Variants in GRIN2B observed in about 807,000 individuals in gnomAD.
GRIN2B encodes glutamate receptor ionotropic, NMDA 2B.
In GRIN2B, 5 loss-of-function variants were observed where a neutral mutation model predicts 114.5. The ratio of observed to expected loss-of-function variants is 0.04; its 90% CI spans 0.02 to 0.09. The LOEUF (loss-of-function observed/expected upper bound fraction) is 0.09. Ranked by LOEUF, GRIN2B falls within the 10% of genes least tolerant of loss-of-function variation. GRIN2B has a pLI of 1.00. For synonymous variants in GRIN2B, 787 were observed against 745.1 expected (o/e 1.06, Z -0.92); for missense variants, 1,108 against 1,943.5 (o/e 0.57, Z 8.08).
chr12:13,613,422 G>C (rs1949391137), intron 8 of GRIN2B, among the ~76,000 whole-genome samples: 1 of 152,092 alleles, frequency 6.6e-6, no homozygotes, highest in South Asian at 2.1e-4. Context: ...ATTTTATGGA[G>C]GAGTAAACTA....
At chr12:13,818,242 C>T (rs967657176) in intron 3 of GRIN2B, among the ~76,000 whole-genome samples, 1 of 152,284 alleles carries the variant, frequency 6.6e-6, no homozygotes, top group South Asian at 2.1e-4. Flanking sequence ...TTTATTTTAA[C>T]CAAAGGGCAG....
intron 2 of GRIN2B, among the ~76,000 whole-genome samples, chr12:13,907,296 G>A (rs1866554562): frequency 6.6e-6 from 1 of 152,060 alleles, no homozygotes. Flanking sequence ...TTCGAGACCA[G>A]TCTGGCCAAC....
At chr12:13,894,085 G>T (rs941524083) in intron 2 of GRIN2B, among the ~76,000 whole-genome samples, 1 of 151,950 alleles carries the variant, frequency 6.6e-6, no homozygotes, top group Non-Finnish European at 1.5e-5. Context: ...GGTGGCCAAG[G>T]ACATGGTGAA....
chr12:13,940,280 A>G (rs558201216), intron 2 of GRIN2B, among the ~76,000 whole-genome samples: 1 of 152,256 alleles, frequency 6.6e-6, no homozygotes, highest in East Asian at 1.9e-4. Context: ...ATCCATTTTG[A>G]TGGGCTTTAC....
chr12:13,818,312 CAAG>C (rs909063653), intron 3 of GRIN2B, among the ~76,000 whole-genome samples: 114 of 152,272 alleles, frequency 7.5e-4, no homozygotes, highest in African/African-American at 2.6e-3. Flanking sequence ...AAGGCCATTC[CAAG>C]AAGAAGTCAG....
chr12:13,603,596 G>A lies in GRIN2B; in HGVS notation c.2010+5007C>T, dbSNP rs189552496. Among the ~76,000 whole-genome samples, 993 of 151,860 alleles carry A rather than the reference G, an allele frequency of 6.5e-3. 10 individuals carry two copies. Among genetic ancestry groups the A allele is most frequent in the African/African-American group, 0.023 (949 of 41,374 alleles). ...AAAAAATCTTACCTGGGAAGTTATCGCTGAAGTTATATTATTATTAATAAT... is the reference window on the plus strand; with the variant it reads ...AAAAAATCTTACCTGGGAAGTTATCACTGAAGTTATATTATTATTAATAAT... On this transcript the variant is annotated intron_variant, in intron 10 of 13. Transcript: ENST00000609686.
In GRIN2B at chr12:13,541,390, A is replaced by C. The variant is rs1948276634; in HGVS notation, c.*21393T>G. 1 of 152,172 alleles carries C rather than the reference A, an allele frequency of 6.6e-6. No individual in the cohort carries two copies. The highest frequency in any genetic ancestry group is 6.5e-5 in the Admixed American group (1 of 15,276). 9.4% of individuals were successfully genotyped at this position (152,172 alleles called of 1,614,324 possible). ...TAACCAGGGGTGGGAGCCAGTCTGA[A>C]GGAGGGGAGATCTGAGGCAGGGTAA... On this transcript the variant is annotated 3_prime_UTR_variant, in exon 14 of 14. Transcript: ENST00000609686.
chr12:13,607,312 TAA>T, intron 10 of GRIN2B, among the ~76,000 whole-genome samples: 1 of 65,500 alleles, frequency 1.5e-5, no homozygotes, highest in African/African-American at 6.3e-5. Context: ...ATATTATATA[TAA>T]TATAAAATAT....
intron 10 of GRIN2B, among the ~76,000 whole-genome samples, chr12:13,577,728 T>G (rs1948795682): frequency 6.6e-6 from 1 of 152,224 alleles, no homozygotes; most frequent in Non-Finnish European, 1.5e-5. Flanking sequence ...ATAATTAAAA[T>G]ACATCCATTC....
Position 13,615,280 on chromosome 12 carries a change from C to A in GRIN2B, c.1501-13G>T, listed in dbSNP as rs201829637. 1 of 1,613,358 alleles carries A rather than the reference C, an allele frequency of 6.2e-7. No individual in the cohort carries two copies. On this transcript the variant is annotated splice_polypyrimidine_tract_variant and intron_variant, in intron 7 of 13. Transcript: ENST00000609686. The surrounding 1 kb of genome is among the most constrained non-coding windows in gnomAD (Gnocchi z 5.8). Reference sequence around the variant, plus strand: ...TCTTCATGACCACCTAAAAGAAAGGCGCGATGCTCCAATTAAAACATTCAG... The same window carrying A: ...TCTTCATGACCACCTAAAAGAAAGGAGCGATGCTCCAATTAAAACATTCAG...
chr12:13,907,940 C>A (rs928863215), intron 2 of GRIN2B, among the ~76,000 whole-genome samples: 2 of 152,016 alleles, frequency 1.3e-5, no homozygotes, highest in Non-Finnish European at 2.9e-5. Context: ...ACCCTAAGTG[C>A]CTTAATTGGA....
chr12:13,705,618 T>C (rs1363007846), intron 4 of GRIN2B, among the ~76,000 whole-genome samples: 2 of 152,158 alleles, frequency 1.3e-5, no homozygotes, highest in Non-Finnish European at 2.9e-5. Context: ...ACACCAGTCA[T>C]TTTTGTTTTC....
At chr12:13,836,314 G>A (rs57574861) in intron 3 of GRIN2B, among the ~76,000 whole-genome samples, 5,340 of 152,196 alleles carry the variant, frequency 0.035, 113 homozygotes, top group Middle Eastern at 0.061. Context: ...GCAATTATTC[G>A]GCCACACCTG....
chr12:13,949,558 T>C (rs911401102), intron 2 of GRIN2B, among the ~76,000 whole-genome samples: 24 of 152,094 alleles, frequency 1.6e-4, no homozygotes, highest in African/African-American at 1.9e-4. Flanking sequence ...GCTTCAACTG[T>C]GAGGGACTCT....
intron 4 of GRIN2B, 141 bp from the exon 5 acceptor site, chr12:13,676,000 C>A (rs1009955324): frequency 1.5e-6 from 1 of 661,290 alleles, no homozygotes; most frequent in Non-Finnish European, 2.8e-6. Context: ...TTTGGTACTT[C>A]TTGAACTCGC....
At chr12:13,709,789 A>C (rs1950397233) in intron 4 of GRIN2B, among the ~76,000 whole-genome samples, 1 of 152,004 alleles carries the variant, frequency 6.6e-6, no homozygotes, top group Admixed American at 6.6e-5. Flanking sequence ...CCTATATTAC[A>C]TTCCCACTGT....
At position 13,552,726 on chromosome 12, in the gene GRIN2B, C is replaced by T. The variant is rs1157424690; in HGVS notation, c.*10057G>A. On this transcript the variant is annotated 3_prime_UTR_variant, in exon 14 of 14. Coordinates refer to ENST00000609686, the MANE Select transcript of GRIN2B (RefSeq NM_000834.5). ...CTAAAATATTAACTATTCTCATTTT[C>T]AGGAGCAAGGCTATCTAGACCCCAT... 6.6e-6 allele frequency: 1 copy of T among 151,932 alleles called. No individual in the cohort carries two copies. Among genetic ancestry groups the T allele is most frequent in the Non-Finnish European group, 1.5e-5 (1 of 67,986 alleles). The allele number at this position is 151,932 out of a possible 1,614,324, so 9.4% of individuals were successfully genotyped here. A position where few individuals can be genotyped will look rare whatever the true frequency, so the allele number is the denominator to read the frequency against.
chr12:13,692,755 CTTTTCT>C (rs1175777179), intron 4 of GRIN2B, among the ~76,000 whole-genome samples: 1 of 24,614 alleles, frequency 4.1e-5, no homozygotes, highest in African/African-American at 1.2e-4. Context: ...ATTAATCTTT[CTTTTCT>C]TTTTTTTTTT....
chr12:13,663,664 GA>G (rs1241936498), intron 5 of GRIN2B, among the ~76,000 whole-genome samples: 1 of 152,066 alleles, frequency 6.6e-6, no homozygotes, highest in Non-Finnish European at 1.5e-5. Flanking sequence ...TAGAATGAAG[GA>G]AAAAAGCTTG....
Sources: allele counts gnomAD v4.1 joint callset (sites outside exome capture counted in the v4.1 genomes callset), GRCh38; gene constraint gnomAD v4.1.1; non-coding constraint Gnocchi (gnomAD v3.1); transcripts MANE v1.5; gene names NCBI Gene and HGNC (gene_info 2026-07-23, HGNC 2026-07-21).